HABP2: variants seen among roughly 807,000 people sequenced by gnomAD.
The protein encoded by HABP2 is factor VII-activating protease.
HABP2 carries 65 observed loss-of-function variants against 66.5 expected under a neutral mutation model. That is an observed-to-expected ratio of 0.98 (90% CI 0.80 to 1.20). The LOEUF is 1.20. Among genes scored for constraint, HABP2 ranks in the 50% most tolerant of loss-of-function variants. HABP2 has a pLI of 0.00. For synonymous variants in HABP2, 263 were observed against 253.9 expected (o/e 1.04, Z -0.34); for missense variants, 786 against 691.0 (o/e 1.14, Z -1.54).
rs763035165 is a variant in HABP2 at position 113,584,168 on chromosome 10, G to A, written c.1258G>A (p.Val420Met). 2.4e-5 allele frequency: 38 copies of A among 1,613,882 alleles called. 1 individual carries two copies. The South Asian group carries it at 3.8e-4, about 16-fold the overall frequency. ...NDIALLKLKP[V>M]DGHCALESKY... The stretch of plus-strand genomic sequence containing the variant: ...CCTAGCATTGCTCAAGTTAAAGCCA[G>A]TGGATGGTCACTGTGCTCTAGAATC... Residue 420 changes from valine (V) to methionine (M), a missense_variant, in exon 11 of 13, where the codon GTG becomes ATG. Coordinates refer to ENST00000351270, the MANE Select transcript of HABP2 (RefSeq NM_004132.5).
At chr10:113,561,788 T>C (rs750868293) in intron 1 of HABP2, among the ~76,000 whole-genome samples, 29 of 152,236 alleles carry the variant, frequency 1.9e-4, no homozygotes, top group Middle Eastern at 3.2e-3. Context: ...CTTTTTGTTT[T>C]GTCTTCCAGA....
chr10:113,588,982 A>G lies in HABP2; in HGVS notation c.*613A>G. 1.2e-6 allele frequency: 2 copies of G among 1,613,140 alleles called. No individual in the cohort carries two copies. The highest frequency in any genetic ancestry group is 1.7e-4 in the Middle Eastern group (1 of 6,058). On this transcript the variant is annotated 3_prime_UTR_variant, in exon 13 of 13. Coordinates refer to ENST00000351270, the MANE Select transcript of HABP2 (RefSeq NM_004132.5). Reference sequence around the variant, plus strand: ...AATCAGGGTGGACATGGCTCACAACAGCAGGGCCTTCTTCTTTTTGACGTG... The same window carrying G: ...AATCAGGGTGGACATGGCTCACAACGGCAGGGCCTTCTTCTTTTTGACGTG...
At chr10:113,571,597 G>T (rs1282170934) in intron 2 of HABP2, among the ~76,000 whole-genome samples, 6 of 152,188 alleles carry the variant, frequency 3.9e-5, no homozygotes, top group African/African-American at 1.4e-4. Context: ...TGCAAAGGGT[G>T]TGGGTGCAGG....
intron 1 of HABP2, among the ~76,000 whole-genome samples, chr10:113,564,998 T>C (rs4917661): frequency 0.32 from 49,213 of 151,778 alleles, 9,240 homozygotes; most frequent in East Asian, 0.51. Flanking sequence ...AGGCCCCCGC[T>C]GCCACATCCA....
rs7086974 is a variant in HABP2 at position 113,577,280 on chromosome 10, G to A, written c.448+14G>A. The A allele has an allele frequency of 7.4e-4, 993 of 1,345,604 alleles. 7 individuals carry two copies. The African/African-American group carries it at 0.013, about 18-fold the overall frequency. 83.4% of individuals were successfully genotyped at this position (1,345,604 alleles called of 1,614,324 possible). A position where few individuals can be genotyped will look rare whatever the true frequency, so the allele number is the denominator to read the frequency against. On this transcript the variant is annotated intron_variant, in intron 5 of 12. Coordinates refer to ENST00000351270, the MANE Select transcript of HABP2 (RefSeq NM_004132.5). ...GCTGCTCCCAAGGTAAGTGGTGGAG[G>A]CCCCTTCGACGCTAGACTTTCTGTG...
At position 113,583,200 on chromosome 10, in the gene HABP2, T is replaced by C; in HGVS notation, c.1095-16T>C. On this transcript the variant is annotated splice_polypyrimidine_tract_variant and intron_variant, in intron 9 of 12. Coordinates refer to ENST00000351270, the MANE Select transcript of HABP2 (RefSeq NM_004132.5). The stretch of plus-strand genomic sequence containing the variant: ...CAGAAACAGTGCCTTCCTGACCATC[T>C]CATTTTCCCTTGCAGCATAAAAACC... 6.2e-7 allele frequency: 1 copy of C among 1,612,730 alleles called. No homozygotes were observed. Among genetic ancestry groups the C allele is most frequent in the Non-Finnish European group, 8.5e-7 (1 of 1,179,364 alleles).
rs542229002 is a variant in HABP2 at position 113,565,763 on chromosome 10, C to T, written c.70-1726C>T. 8.5e-5 allele frequency among the ~76,000 whole-genome samples: 13 copies of T among 152,302 alleles called. No homozygotes were observed. The South Asian group carries it at 1.2e-3, about 15-fold the overall frequency. The stretch of plus-strand genomic sequence containing the variant: ...CAATTAAGAGTCACACACTGCATTT[C>T]GTTGCCATGTCCTTTACTAAAAATA... On this transcript the variant is annotated intron_variant, in intron 1 of 12. Transcript: ENST00000351270.
rs752239121 is a variant in HABP2 at position 113,574,351 on chromosome 10, A to G, written c.169A>G (p.Ser57Gly). ...TTATAATCAGGAAGAGAACACCAGTAGCACACTTACCCACGCTGAGAATCC... is the reference window on the plus strand; with the variant it reads ...TTATAATCAGGAAGAGAACACCAGTGGCACACTTACCCACGCTGAGAATCC... ...EDYNQEENTSSTLTHAENPDW... is the reference protein window; with the variant it reads ...EDYNQEENTSGTLTHAENPDW... Residue 57 changes from serine (S) to glycine (G), a missense_variant, in exon 3 of 13, where the codon AGC (serine) becomes GGC (glycine). By Grantham distance (56) the Ser-to-Gly change is moderately conservative. Coordinates refer to ENST00000351270, the MANE Select transcript of HABP2 (RefSeq NM_004132.5). 45 of 1,608,766 alleles carry G rather than the reference A, an allele frequency of 2.8e-5. No homozygotes were observed. In the South Asian group the frequency reaches 4.7e-4, roughly 17 times the overall value.
intron 2 of HABP2, among the ~76,000 whole-genome samples, chr10:113,573,685 G>T (rs1011481452): frequency 2.2e-4 from 34 of 152,232 alleles, no homozygotes; most frequent in African/African-American, 7.5e-4. Flanking sequence ...TGCATGTAAA[G>T]TGCTTAGCAC....
At chr10:113,581,581 A>G (rs1026953933) in intron 8 of HABP2, among the ~76,000 whole-genome samples, 2 of 152,272 alleles carry the variant, frequency 1.3e-5, no homozygotes, top group Non-Finnish European at 2.9e-5. Context: ...AGGGATTTGT[A>G]TATTTACATA....
intron 1 of HABP2, among the ~76,000 whole-genome samples, chr10:113,557,272 G>A (rs1025199855): frequency 6.6e-6 from 1 of 152,112 alleles, no homozygotes; most frequent in Admixed American, 6.5e-5. Context: ...GGAAAGGGGA[G>A]GGACTGATTT....
rs11575742 is a variant in HABP2 at position 113,574,016 on chromosome 10, C to T, written c.107-273C>T. On this transcript the variant is annotated intron_variant, in intron 2 of 12. Coordinates refer to ENST00000351270, the MANE Select transcript of HABP2 (RefSeq NM_004132.5). ...TTCCTAAGTTCAAGGGAGTAGAAAG[C>T]TGGACTTCGCTTCATCTCTTCACTT... Among the ~76,000 whole-genome samples, 2,217 of 152,284 alleles carry T rather than the reference C, an allele frequency of 0.015. 50 individuals are homozygous for T. Among genetic ancestry groups the T allele is most frequent in the African/African-American group, 0.05 (2,087 of 41,556 alleles).
intron 10 of HABP2, 77 bp from the exon 11 acceptor site, chr10:113,584,071 C>CA: frequency 7.5e-7 from 1 of 1,341,180 alleles, no homozygotes; most frequent in Non-Finnish European, 1.1e-6. Context: ...TGGCCACCTT[C>CA]ATGAGCAAGT....
chr10:113,554,764 T>C (rs988277262), intron 1 of HABP2, among the ~76,000 whole-genome samples: 21 of 152,344 alleles, frequency 1.4e-4, no homozygotes, highest in African/African-American at 4.6e-4. Context: ...AAAAGGATAA[T>C]GGTCCCGAAA....
intron 10 of HABP2, 27 bp from the exon 11 acceptor site, chr10:113,584,121 C>T (rs1160630717): frequency 1.2e-6 from 2 of 1,608,746 alleles, no homozygotes; most frequent in African/African-American, 2.7e-5. Context: ...GACATCGCAT[C>T]CATTTTCTAC....
At chr10:113,577,053 A>C (rs542044930) in intron 4 of HABP2, 97 bp from the exon 5 acceptor site, 124 of 756,584 alleles carry the variant, frequency 1.6e-4, no homozygotes, top group Admixed American at 3.0e-4. Flanking sequence ...GGCTACAGAC[A>C]CTGTCAGTCA....
chr10:113,588,865 TG>T lies in HABP2; in HGVS notation c.*499del. The stretch of plus-strand genomic sequence containing the variant: ...GTTATTATTTTAATAAAGGAAGATC[TG>T]GGATGGGCTGGTGGGCCATTCCAGC... On this transcript the variant is annotated 3_prime_UTR_variant, in exon 13 of 13. Transcript: ENST00000351270. 1 of 751,058 alleles carries T rather than the reference TG, an allele frequency of 1.3e-6. No homozygotes were observed. Among genetic ancestry groups the T allele is most frequent in the Non-Finnish European group, 2.3e-6 (1 of 426,970 alleles). 46.5% of individuals were successfully genotyped at this position (751,058 alleles called of 1,614,324 possible). A position where few individuals can be genotyped will look rare whatever the true frequency, so the allele number is the denominator to read the frequency against.
At chr10:113,579,329 A>G (rs982778725) in intron 7 of HABP2, among the ~76,000 whole-genome samples, 12 of 152,266 alleles carry the variant, frequency 7.9e-5, no homozygotes, top group Admixed American at 3.3e-4. Flanking sequence ...TGATGATGGC[A>G]GGGGATTCAG....
chr10:113,559,077 A>G (rs1592682074), intron 1 of HABP2, among the ~76,000 whole-genome samples: 1 of 151,848 alleles, frequency 6.6e-6, no homozygotes, highest in East Asian at 1.9e-4. Context: ...CTGGTGTCAA[A>G]CTCCTGACCT....
Sources: allele counts gnomAD v4.1 joint callset (sites outside exome capture counted in the v4.1 genomes callset), GRCh38; gene constraint gnomAD v4.1.1; transcripts MANE v1.5; gene names NCBI Gene and HGNC (gene_info 2026-07-23, HGNC 2026-07-21).